The following CEP55 variants were observed in gnomAD, a reference collection of about 807,000 sequenced individuals.
CEP55 encodes centrosomal protein 55, also known as centrosomal protein of 55 kDa.
Under a neutral mutation model 63.2 loss-of-function variants are expected in CEP55, and 57 were observed. That is an observed-to-expected ratio of 0.90 (90% CI 0.73 to 1.13). The LOEUF is 1.13. Ranked by LOEUF, CEP55 falls within the 50% of genes most tolerant of loss-of-function variation. The pLI is 0.00. For synonymous variants in CEP55, 178 were observed against 191.6 expected (o/e 0.93, Z 0.59); for missense variants, 456 against 518.9 (o/e 0.88, Z 1.18).
rs1175046966 is a variant in CEP55 at position 93,528,412 on chromosome 10, A to G, written c.*259A>G. On this transcript the variant is annotated 3_prime_UTR_variant, in exon 9 of 9. Transcript: ENST00000371485. ...TCTACTGAGACTACTAACATTTTGC[A>G]CTGTCAAAATACTTGGTGAGGAAAA... 2.2e-6 allele frequency: 1 copy of G among 462,280 alleles called. No homozygotes were observed. The highest frequency in any genetic ancestry group is 3.9e-6 in the Non-Finnish European group (1 of 259,012). The allele number at this position is 462,280 out of a possible 1,614,324, so 28.6% of individuals were successfully genotyped here.
intron 4 of CEP55, chr10:93,510,707 G>A (rs1159260588): frequency 6.6e-6 from 1 of 152,140 alleles, no homozygotes; most frequent in East Asian, 1.9e-4. Context: ...TAAGAACGAG[G>A]ATACTCTTGC....
At chr10:93,522,138 T>G (rs10736077) in intron 8 of CEP55, among the ~76,000 whole-genome samples, 1 of 152,140 alleles carries the variant, frequency 6.6e-6, no homozygotes, top group African/African-American at 2.4e-5. Context: ...CAAACTTCTC[T>G]GAGCTAAAGG....
intron 8 of CEP55, among the ~76,000 whole-genome samples, chr10:93,526,370 C>T (rs1448198569): frequency 6.6e-6 from 1 of 152,088 alleles, no homozygotes; most frequent in Non-Finnish European, 1.5e-5. Context: ...AAATGCAAAT[C>T]AAAACCACAA....
In CEP55 at chr10:93,503,414, A is replaced by AT. The variant is rs201170622; in HGVS notation, c.459+36dup. The AT allele has an allele frequency of 3.4e-3, 4,982 of 1,465,540 alleles. 2 individuals carry two copies. Among genetic ancestry groups the AT allele is most frequent in the African/African-American group, 7.9e-3 (552 of 70,164 alleles). 90.8% of individuals were successfully genotyped at this position (1,465,540 alleles called of 1,614,324 possible). A position where few individuals can be genotyped will look rare whatever the true frequency, so the allele number is the denominator to read the frequency against. On this transcript the variant is annotated intron_variant, in intron 3 of 8. Coordinates refer to ENST00000371485, the MANE Select transcript of CEP55 (RefSeq NM_018131.5). Reference sequence around the variant, plus strand: ...GTGCTAATCATTTCTTTAAACCCAGATTTTTTTTTTCTTTCTGATACAGTT... The same window carrying AT: ...GTGCTAATCATTTCTTTAAACCCAGATTTTTTTTTTTCTTTCTGATACAGTT...
rs562991060 is a variant in CEP55, at chr10:93,513,386, A to G, written c.529-2019A>G. Among the ~76,000 whole-genome samples, 6 of 152,354 alleles carry G rather than the reference A, an allele frequency of 3.9e-5. No homozygotes were observed. In the East Asian group the frequency reaches 9.6e-4, roughly 25 times the overall value. On this transcript the variant is annotated intron_variant, in intron 4 of 8. Coordinates refer to ENST00000371485, the MANE Select transcript of CEP55 (RefSeq NM_018131.5). ...AGCTTAGAGAAACTCTCTAGACTTA[A>G]TAAGAGTTTCCATACATGTAGATCT... is the stretch of plus-strand genomic sequence containing the variant.
chr10:93,523,531 GAGAC>G (rs2057886476), intron 8 of CEP55, among the ~76,000 whole-genome samples: 1 of 152,066 alleles, frequency 6.6e-6, no homozygotes, highest in South Asian at 2.1e-4. Flanking sequence ...ACAGATCCAC[GAGAC>G]AGAAAGTTAA....
intron 4 of CEP55, among the ~76,000 whole-genome samples, chr10:93,514,718 G>A (rs1194305428): frequency 2.0e-5 from 3 of 152,228 alleles, no homozygotes; most frequent in Admixed American, 2.0e-4. Flanking sequence ...ACAGATGGAG[G>A]CTGTCAGCTA....
Position 93,516,950 on chromosome 10 carries a change from A to G in CEP55, c.695A>G (p.Glu232Gly), listed in dbSNP as rs150943885. Residue 232 changes from glutamate to glycine, a missense_variant, in exon 6 of 9, where the codon GAG becomes GGG. By Grantham distance (98) the Glu-to-Gly change is moderately conservative (BLOSUM62 -2). Transcript: ENST00000371485. ...KPESEGYLQEEKQKCYNDLLA... is the reference protein window; with the variant it reads ...KPESEGYLQEGKQKCYNDLLA... ...TTTGTCATAGGTTATCTTCAAGAAG[A>G]GAAGCAGAAATGTTACAACGATCTC... is the stretch of plus-strand genomic sequence containing the variant. The G allele has an allele frequency of 1.6e-5, 25 of 1,580,706 alleles. No individual in the cohort carries two copies. In the African/African-American group the frequency reaches 2.7e-4, roughly 17 times the overall value.
intron 8 of CEP55, among the ~76,000 whole-genome samples, chr10:93,522,836 G>A (rs1302313916): frequency 6.6e-6 from 1 of 152,124 alleles, no homozygotes; most frequent in Admixed American, 6.6e-5. Flanking sequence ...TCCAGCCAGA[G>A]TAAGCTTCAT....
rs540284774 is a variant in CEP55, at chr10:93,511,877, C to G, written c.529-3528C>G. The stretch of plus-strand genomic sequence containing the variant: ...TCGGCCTCCCAAAGTGCTGGGATTA[C>G]AGGCGTGAGCCACTGCACCCAGCTG... On this transcript the variant is annotated intron_variant, in intron 4 of 8. Transcript: ENST00000371485. Among the ~76,000 whole-genome samples, 32 of 151,992 alleles carry G rather than the reference C, an allele frequency of 2.1e-4. No homozygotes were observed. The East Asian group carries it at 5.7e-3, about 27-fold the overall frequency.
Position 93,528,215 on chromosome 10 carries a change from G to A in CEP55, c.*62G>A. The A allele has an allele frequency of 2.1e-6, 3 of 1,432,310 alleles. No homozygotes were observed. The highest frequency in any genetic ancestry group is 2.3e-5 in the East Asian group (1 of 42,890). 88.7% of individuals were successfully genotyped at this position (1,432,310 alleles called of 1,614,324 possible). On this transcript the variant is annotated 3_prime_UTR_variant, in exon 9 of 9. Coordinates refer to ENST00000371485, the MANE Select transcript of CEP55 (RefSeq NM_018131.5). ...TACTGTATTTTCTGTTAGCTTGTGGGCATTTTGAATTATATATTTCACATT... is the reference window on the plus strand; with the variant it reads ...TACTGTATTTTCTGTTAGCTTGTGGACATTTTGAATTATATATTTCACATT...
At chr10:93,497,804 T>TGG (rs1371325446) in intron 1 of CEP55, among the ~76,000 whole-genome samples, 1 of 151,734 alleles carries the variant, frequency 6.6e-6, no homozygotes, top group Non-Finnish European at 1.5e-5. Flanking sequence ...GGGAACCCTG[T>TGG]GGATGACTGG....
At chr10:93,501,211 T>C (rs1261869725) in intron 2 of CEP55, among the ~76,000 whole-genome samples, 1 of 152,202 alleles carries the variant, frequency 6.6e-6, no homozygotes, top group African/African-American at 2.4e-5. Flanking sequence ...ATTAGACATG[T>C]TGGCATTTAC....
At position 93,528,432 on chromosome 10, in the gene CEP55, G is replaced by A. The variant is rs1382744792; in HGVS notation, c.*279G>A. On this transcript the variant is annotated 3_prime_UTR_variant, in exon 9 of 9. Transcript: ENST00000371485. ...TTTGCACTGTCAAAATACTTGGTGA[G>A]GAAAAGATAGCTCAGGTTATTGCTA... 5 of 380,620 alleles carry A rather than the reference G, an allele frequency of 1.3e-5. No individual in the cohort carries two copies. Among genetic ancestry groups the A allele is most frequent in the Non-Finnish European group, 2.4e-5 (5 of 210,868 alleles). The allele number at this position is 380,620 out of a possible 1,614,324, so 23.6% of individuals were successfully genotyped here. A position where few individuals can be genotyped will look rare whatever the true frequency, so the allele number is the denominator to read the frequency against.
chr10:93,507,548 C>T (rs760945784), intron 4 of CEP55, among the ~76,000 whole-genome samples: 3 of 152,064 alleles, frequency 2.0e-5, no homozygotes, highest in Non-Finnish European at 4.4e-5. Context: ...GTAGACAGCC[C>T]TAGAAATTAT....
At chr10:93,506,812 G>A (rs2057693675) in intron 3 of CEP55, among the ~76,000 whole-genome samples, 176 bp from the exon 4 acceptor site, 1 of 152,162 alleles carries the variant, frequency 6.6e-6, no homozygotes, top group African/African-American at 2.4e-5. Flanking sequence ...GACCTCAAAT[G>A]ATCCACCCTC....
intron 6 of CEP55, 47 bp from the exon 7 acceptor site, chr10:93,518,830 C>T (rs373235695): frequency 7.1e-5 from 98 of 1,389,380 alleles, no homozygotes; most frequent in East Asian, 2.6e-4. Flanking sequence ...CAGGTCAAGC[C>T]GGAAAAGGTT....
At chr10:93,499,721 C>T (rs2057612562) in intron 1 of CEP55, among the ~76,000 whole-genome samples, 1 of 152,008 alleles carries the variant, frequency 6.6e-6, no homozygotes, top group African/African-American at 2.4e-5. Flanking sequence ...GGAGTTTCAC[C>T]ATGTTGGCCA....
At chr10:93,522,832 C>T (rs1293992710) in intron 8 of CEP55, among the ~76,000 whole-genome samples, 2 of 152,154 alleles carry the variant, frequency 1.3e-5, no homozygotes, top group East Asian at 1.9e-4. Flanking sequence ...CATATCCAGC[C>T]AGAGTAAGCT....
Sources: allele counts gnomAD v4.1 joint callset (sites outside exome capture counted in the v4.1 genomes callset), GRCh38; gene constraint gnomAD v4.1.1; transcripts MANE v1.5; gene names NCBI Gene and HGNC (gene_info 2026-07-23, HGNC 2026-07-21).